The following NCOR1 variants were observed in gnomAD, a reference collection of about 807,000 sequenced individuals.
The protein encoded by NCOR1 is protein phosphatase 1, regulatory subunit 109.
Under a neutral mutation model 288.1 loss-of-function variants are expected in NCOR1, and 63 were observed. The observed-to-expected ratio is 0.22, with a 90% CI of 0.18 to 0.27. The LOEUF is 0.27. Ranked by LOEUF, NCOR1 falls within the 10% of genes least tolerant of loss-of-function variation. The pLI, the probability that NCOR1 is intolerant of heterozygous loss-of-function variation, is 1.00. For missense variants in NCOR1, 2,397 were observed against 3,019.2 expected (o/e 0.79, Z 4.83); for synonymous variants, 1,007 against 1,065.9 (o/e 0.94, Z 1.08).
intron 15 of NCOR1, among the ~76,000 whole-genome samples, chr17:16,123,069 T>C (rs776594714): frequency 6.6e-6 from 1 of 152,164 alleles, no homozygotes; most frequent in Non-Finnish European, 1.5e-5. Context: ...AGACTCAGGC[T>C]TATCTTCCCA....
chr17:16,145,927 G>A (rs1434897838), intron 10 of NCOR1, among the ~76,000 whole-genome samples: 1 of 151,596 alleles, frequency 6.6e-6, no homozygotes, highest in Non-Finnish European at 1.5e-5. Context: ...GTGGACATGG[G>A]AGACTCCATT....
chr17:16,073,520 T>C lies in NCOR1; in HGVS notation c.3720A>G (p.Glu1240=), dbSNP rs770356523. 2.5e-6 allele frequency: 4 copies of C among 1,612,150 alleles called. No individual in the cohort carries two copies. The highest frequency in any genetic ancestry group is 2.5e-6 in the Non-Finnish European group (3 of 1,179,090). The stretch of plus-strand genomic sequence containing the variant: ...ATTCATAGCTTCTCTTTAAACTGAT[T>C]TCATGAGCTGTTCTTGGACTCCTAG... ...EGTRSPRTAH[E]ISLKRSYESV... The change falls in exon 28 of 46, where the codon GAA becomes GAG. Residue 1240 remains glutamate (E), a synonymous_variant. Coordinates refer to ENST00000268712, the MANE Select transcript of NCOR1 (RefSeq NM_006311.4).
At position 16,030,848 on chromosome 17, in the gene NCOR1, G is replaced by C. The variant is rs939772830; in HGVS notation, c.*1448C>G. The C allele has an allele frequency of 5.4e-6, 1 of 186,830 alleles. No individual in the cohort carries two copies. Among genetic ancestry groups the C allele is most frequent in the African/African-American group, 2.3e-5 (1 of 42,772 alleles). 11.6% of individuals were successfully genotyped at this position (186,830 alleles called of 1,614,324 possible). A position where few individuals can be genotyped will look rare whatever the true frequency, so the allele number is the denominator to read the frequency against. On this transcript the variant is annotated 3_prime_UTR_variant, in exon 46 of 46. Transcript: ENST00000268712. ...TTGGTCAGTAGCTAATCACAGAGCT[G>C]CTTCCTTAAAAGCCTTGAGTACTTT...
intron 3 of NCOR1, among the ~76,000 whole-genome samples, chr17:16,172,360 C>CA (rs1423797633): frequency 6.1e-4 from 84 of 136,910 alleles, no homozygotes; most frequent in East Asian, 2.3e-3. Context: ...CGTCTTAAAA[C>CA]AAAAAAAAAA....
intron 42 of NCOR1, among the ~76,000 whole-genome samples, chr17:16,045,433 C>T (rs2058499972): frequency 6.6e-6 from 1 of 152,154 alleles, no homozygotes; most frequent in African/African-American, 2.4e-5. Flanking sequence ...TCTACACATG[C>T]TTAGAATAGA....
rs2061598779 is a variant in NCOR1 at position 16,070,278 on chromosome 17, G to A, written c.4400C>T (p.Pro1467Leu). 1 of 1,613,962 alleles carries A rather than the reference G, an allele frequency of 6.2e-7. No homozygotes were observed. The highest frequency in any genetic ancestry group is 1.7e-5 in the Admixed American group (1 of 59,994). The change falls in exon 31 of 46, where the codon CCC becomes CTC. Residue 1467 changes from proline (P) to leucine (L), a missense_variant. Physicochemically the swap from Pro to Leu is moderately conservative, Grantham distance 98. This residue lies in a region of NCOR1 where 1,872 missense variants were observed against 2,187.8 expected (regional missense o/e 0.86). Transcript: ENST00000268712. ...SVLRSTLHEA[P>L]KAQLSPGIYD... ...AATCCCAGGGCTCAGTTGTGCTTTG[G>A]GAGCTTCATGCAGTGTGGACCTAAG...
intron 5 of NCOR1, among the ~76,000 whole-genome samples, chr17:16,160,774 A>AG (rs2080685781): frequency 6.6e-6 from 1 of 152,180 alleles, no homozygotes; most frequent in African/African-American, 2.4e-5. Context: ...CCTGGGCGAC[A>AG]GGGGGAGACT....
intron 6 of NCOR1, 25 bp downstream of exon 6, chr17:16,158,735 G>A (rs1447691234): frequency 6.7e-7 from 1 of 1,496,050 alleles, no homozygotes; most frequent in Admixed American, 1.7e-5. Context: ...AAAGGCCTGT[G>A]CTGCCAGAGA....
chr17:16,151,733 A>AT, intron 8 of NCOR1: 1 of 1,091,010 alleles, frequency 9.2e-7, no homozygotes, highest in East Asian at 2.8e-5. Context: ...TTATGCAATA[A>AT]TTTATTTCAT....
intron 11 of NCOR1, 108 bp downstream of exon 11, chr17:16,143,498 G>A: frequency 1.3e-6 from 1 of 782,360 alleles, no homozygotes; most frequent in Non-Finnish European, 2.1e-6. Flanking sequence ...CTAAACTCTA[G>A]CACTCAATTA....
At chr17:16,103,952 G>A (rs957392791) in intron 19 of NCOR1, among the ~76,000 whole-genome samples, 1 of 152,240 alleles carries the variant, frequency 6.6e-6, no homozygotes. Context: ...GGAGGTTGTG[G>A]TGAGCCGAGA....
chr17:16,171,075 ATTT>A (rs747614732), intron 4 of NCOR1, among the ~76,000 whole-genome samples: 25 of 152,122 alleles, frequency 1.6e-4, no homozygotes, highest in Non-Finnish European at 2.2e-4. Context: ...CTACGAGTGG[ATTT>A]TAAATGTTCT....
chr17:16,086,363 T>A lies in NCOR1; in HGVS notation c.3096A>T (p.Pro1032=), dbSNP rs762051526. The change falls in exon 23 of 46, where the codon CCA becomes CCT. Residue 1032 remains proline, a synonymous_variant. Coordinates refer to ENST00000268712, the MANE Select transcript of NCOR1 (RefSeq NM_006311.4). ...VRLPTTRPTR[P]PPPLIPSSKT... Reference sequence around the variant, plus strand: ...TGGATGACGGGATGAGAGGGGGCGGTGGCCTGGTTGGTCGAGTTGTCGGAA... The same window carrying A: ...TGGATGACGGGATGAGAGGGGGCGGAGGCCTGGTTGGTCGAGTTGTCGGAA... The A allele has an allele frequency of 4.3e-6, 7 of 1,614,062 alleles. No individual in the cohort carries two copies. The East Asian group carries it at 1.3e-4, about 31-fold the overall frequency.
intron 45 of NCOR1, 48 bp downstream of exon 45, chr17:16,034,712 GACATT>G: frequency 2.1e-6 from 3 of 1,460,492 alleles, no homozygotes; most frequent in Non-Finnish European, 2.8e-6. Flanking sequence ...TAATAACCAA[GACATT>G]GATATTATTG....
intron 15 of NCOR1, among the ~76,000 whole-genome samples, chr17:16,122,919 T>C (rs1045739393): frequency 6.6e-6 from 1 of 152,172 alleles, no homozygotes; most frequent in Non-Finnish European, 1.5e-5. Flanking sequence ...GCCACTGTGC[T>C]GGGTTCCTCT....
chr17:16,048,840 C>G lies in NCOR1; in HGVS notation c.6536+5G>C. On this transcript the variant is annotated splice_donor_5th_base_variant and intron_variant, in intron 41 of 45. Coordinates refer to ENST00000268712, the MANE Select transcript of NCOR1 (RefSeq NM_006311.4). ...ATGGTTGCTGTCACTAGGAAGCACACTTACCTCTGCTCTGCAGGCTCTGCG... is the reference window on the plus strand; with the variant it reads ...ATGGTTGCTGTCACTAGGAAGCACAGTTACCTCTGCTCTGCAGGCTCTGCG... 6.3e-7 allele frequency: 1 copy of G among 1,599,068 alleles called. No homozygotes were observed. Among genetic ancestry groups the G allele is most frequent in the Non-Finnish European group, 8.5e-7 (1 of 1,170,282 alleles).
At chr17:16,122,439 A>G (rs1229965288) in intron 15 of NCOR1, among the ~76,000 whole-genome samples, 1 of 152,228 alleles carries the variant, frequency 6.6e-6, no homozygotes, top group Non-Finnish European at 1.5e-5. Context: ...ATGTTTTCTC[A>G]AAAGTCACCA....
intron 1 of NCOR1, among the ~76,000 whole-genome samples, chr17:16,203,487 T>A (rs140622231): frequency 6.6e-6 from 1 of 152,156 alleles, no homozygotes; most frequent in Admixed American, 6.5e-5. Context: ...AGGTCTCAGT[T>A]CAAATGTCAT....
chr17:16,136,032 C>T (rs1242788618), intron 14 of NCOR1, among the ~76,000 whole-genome samples: 2 of 152,170 alleles, frequency 1.3e-5, no homozygotes, highest in Non-Finnish European at 2.9e-5. Context: ...GTGGTGGTGG[C>T]AGTAGCGCAG....
Sources: allele counts gnomAD v4.1 joint callset (sites outside exome capture counted in the v4.1 genomes callset), GRCh38; gene constraint gnomAD v4.1.1; regional missense constraint gnomAD v4.1.1; transcripts MANE v1.5; gene names NCBI Gene and HGNC (gene_info 2026-07-23, HGNC 2026-07-21).